GALNT16: variants seen among roughly 807,000 people sequenced by gnomAD.
GALNT16 encodes the protein polypeptide N-acetylgalactosaminyltransferase 16.
Under a neutral mutation model 76.1 loss-of-function variants are expected in GALNT16, and 40 were observed. That is an observed-to-expected ratio of 0.53 (90% CI 0.41 to 0.68). The LOEUF (loss-of-function observed/expected upper bound fraction) is 0.68, where lower values mean the gene tolerates loss of function less well. Among genes scored for constraint, GALNT16 ranks in the 30% least tolerant of loss-of-function variants. GALNT16 has a pLI of 0.00. For missense variants in GALNT16, 621 were observed against 731.9 expected (o/e 0.85, Z 1.75); for synonymous variants, 276 against 285.2 (o/e 0.97, Z 0.32).
chr14:69,281,961 T>C (rs58655032), intron 1 of GALNT16, among the ~76,000 whole-genome samples: 4,529 of 152,284 alleles, frequency 0.03, 216 homozygotes, highest in African/African-American at 0.1. Flanking sequence ...AGTATTTGCA[T>C]GCACAGAGCA....
chr14:69,386,142 G>A, the GALNT16 span, among the ~76,000 whole-genome samples: 33 of 152,192 alleles, frequency 2.2e-4, no homozygotes, highest in Admixed American at 1.8e-3. Context: ...AAGAGGTACA[G>A]AAAACAAAAC....
the GALNT16 span, among the ~76,000 whole-genome samples, chr14:69,375,664 C>G: frequency 5.9e-5 from 9 of 152,100 alleles, no homozygotes; most frequent in Non-Finnish European, 1.3e-4. Flanking sequence ...TATTGTGAGA[C>G]AAGTTCTCAC....
At position 69,324,786 on chromosome 14, in the gene GALNT16, A is replaced by G; in HGVS notation, c.430A>G (p.Lys144Glu). Residue 144 changes from lysine to glutamate, a missense_variant, in exon 3 of 15, where the codon AAG becomes GAG. Transcript: ENST00000448469. The stretch of plus-strand genomic sequence containing the variant: ...CCGTTCCACCCTGCTGCGCACAGTG[A>G]AGAGGTAAGTCCAGCCATGGGACTC... ...EARSTLLRTV[K>E]SVLNRTPANL... 1 of 1,600,464 alleles carries G rather than the reference A, an allele frequency of 6.2e-7. No individual in the cohort carries two copies. Among genetic ancestry groups the G allele is most frequent in the Non-Finnish European group, 8.5e-7 (1 of 1,171,220 alleles).
chr14:69,340,904 A>G (rs1254223385), intron 11 of GALNT16, among the ~76,000 whole-genome samples: 9 of 152,194 alleles, frequency 5.9e-5, no homozygotes, highest in African/African-American at 1.7e-4. Flanking sequence ...TAAGATAGTT[A>G]TCTCCTACTT....
At chr14:69,275,238 CA>C (rs2140108944) in intron 1 of GALNT16, among the ~76,000 whole-genome samples, 1 of 152,250 alleles carries the variant, frequency 6.6e-6, no homozygotes, top group South Asian at 2.1e-4. Flanking sequence ...TTAGCCTCTC[CA>C]AAGTAGAACC....
At chr14:69,331,412 T>G (rs1410696657) in intron 6 of GALNT16, 52 bp from the exon 7 acceptor site, 7 of 1,036,930 alleles carry the variant, frequency 6.8e-6, no homozygotes, top group Non-Finnish European at 9.1e-6. Flanking sequence ...CAGCTAGGCC[T>G]TTTTCTGCAG....
At position 69,260,244 on chromosome 14, in the gene GALNT16, A is replaced by G; in HGVS notation, c.-47A>G. On this transcript the variant is annotated 5_prime_UTR_variant, in exon 1 of 15. Transcript: ENST00000448469. ...TGCGAGCGCCCCCGCCCCGGCCCCG[A>G]GAGCACGCCGGCCCAGTCCCCCACC... 1.4e-6 allele frequency: 2 copies of G among 1,403,870 alleles called. No homozygotes were observed. Among genetic ancestry groups the G allele is most frequent in the Non-Finnish European group, 9.7e-7 (1 of 1,035,226 alleles). 87.0% of individuals were successfully genotyped at this position (1,403,870 alleles called of 1,614,324 possible).
At chr14:69,349,544 T>C (rs1217285260) in intron 14 of GALNT16, 1 of 152,264 alleles carries the variant, frequency 6.6e-6, no homozygotes, top group Non-Finnish European at 1.5e-5. Context: ...GCCGTCCTTC[T>C]TGGTCCCCTG....
the GALNT16 span, among the ~76,000 whole-genome samples, chr14:69,370,753 G>C: frequency 6.6e-6 from 1 of 152,084 alleles, no homozygotes; most frequent in Non-Finnish European, 1.5e-5. Context: ...TAACCACAAT[G>C]GCATTATCAA....
intron 12 of GALNT16, among the ~76,000 whole-genome samples, chr14:69,345,722 G>GTGTGTGTGTGTGTGTGTCTGTA (rs2045553534): frequency 6.6e-6 from 1 of 151,744 alleles, no homozygotes; most frequent in Non-Finnish European, 1.5e-5. Context: ...GTGTGTGTGT[G>GTGTGTGTGTGTGTGTGTCTGTA]TGTGTGTGTG....
At chr14:69,314,004 C>T (rs577556712) in intron 1 of GALNT16, among the ~76,000 whole-genome samples, 7 of 152,312 alleles carry the variant, frequency 4.6e-5, no homozygotes. Flanking sequence ...CTTGGTAGCA[C>T]ATTGGAACTG....
chr14:69,260,496 G>C, intron 1 of GALNT16, 29 bp downstream of exon 1: 1 of 1,340,494 alleles, frequency 7.5e-7, no homozygotes, highest in Non-Finnish European at 9.5e-7. Context: ...TCGGCCGGCC[G>C]GCTAGGGAGC....
intron 1 of GALNT16, among the ~76,000 whole-genome samples, chr14:69,311,605 A>G (rs749401097): frequency 1.3e-5 from 2 of 152,230 alleles, no homozygotes; most frequent in Non-Finnish European, 2.9e-5. Flanking sequence ...TTGTGAGAGT[A>G]TAACCTAACC....
At chr14:69,362,898 C>T in the GALNT16 span, among the ~76,000 whole-genome samples, 1 of 152,172 alleles carries the variant, frequency 6.6e-6, no homozygotes, top group Non-Finnish European at 1.5e-5. Flanking sequence ...TGGGGAGTCC[C>T]AGCACCTACT....
chr14:69,347,990 A>G lies in GALNT16; in HGVS notation c.1527A>G (p.Arg509=). The G allele has an allele frequency of 6.2e-7, 1 of 1,614,078 alleles. No homozygotes were observed. Among genetic ancestry groups the G allele is most frequent in the Non-Finnish European group, 8.5e-7 (1 of 1,180,014 alleles). ...TCATACTGCAGATGTGCAACCCTAG[A>G]GAAGGCAAGCAGGTGAGTCTCCTTG... is the stretch of plus-strand genomic sequence containing the variant. ...SPVILQMCNP[R]EGKQKWRRKG... is the part of the protein sequence containing the mutation. The change falls in exon 14 of 15, where the codon AGA becomes AGG. Residue 509 remains arginine (R), a synonymous_variant. Coordinates refer to ENST00000448469, the MANE Select transcript of GALNT16 (RefSeq NM_001168368.2).
intron 3 of GALNT16, 103 bp downstream of exon 3, chr14:69,324,893 G>A: frequency 1.5e-6 from 1 of 673,788 alleles, no homozygotes; most frequent in Non-Finnish European, 2.5e-6. Context: ...GGTGCTGGAG[G>A]CTGAGTCCTG....
intron 1 of GALNT16, among the ~76,000 whole-genome samples, chr14:69,260,826 CCCAGCGCGCGG>C (rs1311735372): frequency 6.6e-6 from 1 of 151,864 alleles, no homozygotes; most frequent in Non-Finnish European, 1.5e-5. Context: ...GGCTGCCGGG[CCCAGCGCGCGG>C]CGAGCGGGCG....
intron 1 of GALNT16, among the ~76,000 whole-genome samples, chr14:69,293,186 C>A (rs1434327672): frequency 6.6e-6 from 1 of 152,148 alleles, no homozygotes; most frequent in African/African-American, 2.4e-5. Flanking sequence ...AGGACCAAGC[C>A]CTGTTCTGTC....
chr14:69,290,702 C>G (rs1337125570), intron 1 of GALNT16, among the ~76,000 whole-genome samples: 1 of 152,240 alleles, frequency 6.6e-6, no homozygotes, highest in African/African-American at 2.4e-5. Context: ...TGCTTCACCT[C>G]TGGGCTTGGA....
Sources: allele counts gnomAD v4.1 joint callset (sites outside exome capture counted in the v4.1 genomes callset), GRCh38; gene constraint gnomAD v4.1.1; transcripts MANE v1.5; gene names NCBI Gene and HGNC (gene_info 2026-07-23, HGNC 2026-07-21).